Variants in GAS6 observed in about 807,000 individuals in gnomAD.
GAS6 encodes growth arrest specific 6, also known as growth arrest-specific protein 6.
Under a neutral mutation model 75.8 loss-of-function variants are expected in GAS6, and 41 were observed. That is an observed-to-expected ratio of 0.54 (90% CI 0.42 to 0.70). GAS6 has a LOEUF of 0.70. GAS6 is among the 30% of genes least tolerant of loss of function. The probability of loss-of-function intolerance (pLI) is 0.00; values close to 1 mark genes in which losing one functional copy is unlikely to be tolerated. For synonymous variants in GAS6, 432 were observed against 412.6 expected, an observed-to-expected ratio of 1.05 and a Z score of -0.57; for missense variants, 854 against 940.2, an observed-to-expected ratio of 0.91 and a Z score of 1.20.
chr13:113,834,423 A>C (rs1476936383), intron 8 of GAS6, 128 bp downstream of exon 8: 2 of 993,382 alleles, frequency 2.0e-6, no homozygotes, highest in African/African-American at 3.3e-5. Flanking sequence ...AAACCTCCAC[A>C]TGGCCCTGGA....
chr13:113,822,251 C>A (rs776530935), intron 13 of GAS6, 65 bp from the exon 14 acceptor site: 158 of 1,270,904 alleles, frequency 1.2e-4, no homozygotes, highest in Non-Finnish European at 1.7e-4. Context: ...TAGGTCCAAG[C>A]TGGTCCTCAC....
intron 2 of GAS6, among the ~76,000 whole-genome samples, chr13:113,853,296 G>C (rs55869190): frequency 0.12 from 19,028 of 152,230 alleles, 1,902 homozygotes; most frequent in African/African-American, 0.28. Context: ...GTCCCAGCAA[G>C]GTCTCTGCCT....
intron 2 of GAS6, among the ~76,000 whole-genome samples, chr13:113,854,280 C>G (rs940117280): frequency 6.6e-6 from 1 of 152,242 alleles, no homozygotes; most frequent in African/African-American, 2.4e-5. Context: ...GGTGCCTGAC[C>G]CGGTGGGTAA....
Position 113,837,137 on chromosome 13 carries a change from G to A in GAS6, c.589+932C>T, listed in dbSNP as rs1299517436. 1.3e-5 allele frequency among the ~76,000 whole-genome samples: 2 copies of A among 151,906 alleles called. No individual in the cohort carries two copies. Among genetic ancestry groups the A allele is most frequent in the Admixed American group, 6.6e-5 (1 of 15,264 alleles). On this transcript the variant is annotated intron_variant, in intron 6 of 14. Transcript: ENST00000327773. The surrounding 1 kb of genome is among the most constrained non-coding windows in gnomAD (Gnocchi z 5.1). The stretch of plus-strand genomic sequence containing the variant: ...TCAGGGATAGAGCAGTGATGGGAGG[G>A]GCTCTGTCCTCGGCGGGGAAATGGG...
intron 4 of GAS6, chr13:113,842,424 G>A: frequency 2.5e-6 from 1 of 395,084 alleles, no homozygotes; most frequent in Non-Finnish European, 4.4e-6. Flanking sequence ...ACCAGGACCA[G>A]GGATTCTGCA....
rs1214822234 is a variant in GAS6 at position 113,833,496 on chromosome 13, A to T, written c.835-744T>A. 4 of 991,318 alleles carry T rather than the reference A, an allele frequency of 4.0e-6. No homozygotes were observed. The East Asian group carries it at 4.5e-4, about 112-fold the overall frequency. 61.4% of individuals were successfully genotyped at this position (991,318 alleles called of 1,614,324 possible). On this transcript the variant is annotated intron_variant, in intron 8 of 14. Transcript: ENST00000327773. ...CTCACTCTCATCAACCCCCAGGCAC[A>T]GGCCCAGGCTGAAGAGGAAAGACAA...
At chr13:113,859,636 G>A (rs2051955259) in intron 2 of GAS6, among the ~76,000 whole-genome samples, 1 of 152,162 alleles carries the variant, frequency 6.6e-6, no homozygotes, top group African/African-American at 2.4e-5. Context: ...GTATATCTGT[G>A]TCTATGGGAA....
At chr13:113,826,939 G>C in intron 12 of GAS6, 57 bp downstream of exon 12, 2 of 1,436,594 alleles carry the variant, frequency 1.4e-6, no homozygotes, top group Non-Finnish European at 1.9e-6. Flanking sequence ...TGCTTTCAGC[G>C]TATGCCTGTC....
In GAS6 at chr13:113,839,819, G is replaced by C. The variant is rs745625201; in HGVS notation, c.375C>G (p.Cys125Trp). The C allele has an allele frequency of 1.2e-6, 2 of 1,613,946 alleles. No homozygotes were observed. Among genetic ancestry groups the C allele is most frequent in the Non-Finnish European group, 1.7e-6 (2 of 1,180,012 alleles). ...NLPDQCTPNP[C>W]DRKGTQACQD... ...GGCAGGCTTGGGTCCCCTTCCTATC[G>C]CAGGGGTTGGGCGTGCACTGGTCAG... The change falls in exon 5 of 15, where the codon TGC (cysteine) becomes TGG (tryptophan). Residue 125 changes from cysteine to tryptophan, a missense_variant. Coordinates refer to ENST00000327773, the MANE Select transcript of GAS6 (RefSeq NM_000820.4).
chr13:113,834,217 C>CAGGA, intron 8 of GAS6, among the ~76,000 whole-genome samples: 1 of 150,120 alleles, frequency 6.7e-6, no homozygotes, highest in Non-Finnish European at 1.5e-5. Flanking sequence ...CCCGGTGTGA[C>CAGGA]AGGTCGGTGT....
At chr13:113,842,425 G>A in intron 4 of GAS6, 1 of 395,086 alleles carries the variant, frequency 2.5e-6, no homozygotes, top group South Asian at 1.4e-4. Flanking sequence ...CCAGGACCAG[G>A]GATTCTGCAT....
At chr13:113,831,641 A>G (rs2051631620) in intron 10 of GAS6, among the ~76,000 whole-genome samples, 1 of 152,028 alleles carries the variant, frequency 6.6e-6, no homozygotes, top group African/African-American at 2.4e-5. Context: ...GACAGGTTGC[A>G]CTCAAGGCCC....
intron 8 of GAS6, chr13:113,833,608 A>G: frequency 1.1e-6 from 1 of 902,720 alleles, no homozygotes; most frequent in Non-Finnish European, 1.3e-6. Context: ...TGTGACAGGC[A>G]CCGGTGTGAC....
intron 4 of GAS6, among the ~76,000 whole-genome samples, chr13:113,846,235 A>G (rs1333410137): frequency 6.6e-6 from 1 of 152,258 alleles, no homozygotes; most frequent in Non-Finnish European, 1.5e-5. Flanking sequence ...GATTCTTGGA[A>G]CTGTAACTAC....
chr13:113,846,762 C>A (rs1396015453), intron 3 of GAS6, among the ~76,000 whole-genome samples, 173 bp from the exon 4 acceptor site: 1 of 152,246 alleles, frequency 6.6e-6, no homozygotes, highest in East Asian at 1.9e-4. Context: ...TTAGCCCCAA[C>A]CCTGACAAAC....
At position 113,833,682 on chromosome 13, in the gene GAS6, G is replaced by T. The variant is rs183136450; in HGVS notation, c.834+869C>A. 6 of 998,050 alleles carry T rather than the reference G, an allele frequency of 6.0e-6. No individual in the cohort carries two copies. The East Asian group carries it at 3.5e-4, about 58-fold the overall frequency. 61.8% of individuals were successfully genotyped at this position (998,050 alleles called of 1,614,324 possible). A position where few individuals can be genotyped will look rare whatever the true frequency, so the allele number is the denominator to read the frequency against. Reference sequence around the variant, plus strand: ...GTGACAGGTCGGTGTGACAGACACCGGTGACAAGTCAGTGTGACAGGCAGT... The same window carrying T: ...GTGACAGGTCGGTGTGACAGACACCTGTGACAAGTCAGTGTGACAGGCAGT... On this transcript the variant is annotated intron_variant, in intron 8 of 14. Coordinates refer to ENST00000327773, the MANE Select transcript of GAS6 (RefSeq NM_000820.4).
intron 7 of GAS6, 93 bp downstream of exon 7, chr13:113,835,420 C>T: frequency 1.4e-6 from 2 of 1,442,908 alleles, no homozygotes; most frequent in South Asian, 2.4e-5. Flanking sequence ...ACCAGAAGCA[C>T]CCGGTTGTTA....
intron 5 of GAS6, 84 bp from the exon 6 acceptor site, chr13:113,838,275 C>A: frequency 1.3e-6 from 2 of 1,545,728 alleles, no homozygotes; most frequent in South Asian, 1.1e-5. Context: ...AGGTGCACAG[C>A]CCAGCCCTGG....
At position 113,823,493 on chromosome 13, in the gene GAS6, T is replaced by A; in HGVS notation, c.1535A>T (p.His512Leu). The change falls in exon 13 of 15, where the codon CAC (histidine) becomes CTC (leucine). Residue 512 changes from histidine (H) to leucine (L), a missense_variant. Transcript: ENST00000327773. ...GCCTGTGTCTGCGGCTGGGCGGATGTGAGCCACGACTTCTACTTCCCAGGT... is the reference window on the plus strand; with the variant it reads ...GCCTGTGTCTGCGGCTGGGCGGATGAGAGCCACGACTTCTACTTCCCAGGT... ...ESTWEVEVVA[H>L]IRPAADTGVL... 6.2e-7 allele frequency: 1 copy of A among 1,612,768 alleles called. No homozygotes were observed. Among genetic ancestry groups the A allele is most frequent in the Non-Finnish European group, 8.5e-7 (1 of 1,179,964 alleles).
Sources: allele counts gnomAD v4.1 joint callset (sites outside exome capture counted in the v4.1 genomes callset), GRCh38; gene constraint gnomAD v4.1.1; non-coding constraint Gnocchi (gnomAD v3.1); transcripts MANE v1.5; gene names NCBI Gene and HGNC (gene_info 2026-07-23, HGNC 2026-07-21).